RYR3: variants seen among roughly 807,000 people sequenced by gnomAD.
RYR3 encodes the protein brain ryanodine receptor-calcium release channel.
Under a neutral mutation model 584.3 loss-of-function variants are expected in RYR3, and 207 were observed. The ratio of observed to expected loss-of-function variants is 0.35; its 90% CI spans 0.32 to 0.40. The LOEUF (loss-of-function observed/expected upper bound fraction) is 0.40, where lower values mean the gene tolerates loss of function less well. Ranked by LOEUF, RYR3 falls within the 10% of genes least tolerant of loss-of-function variation. The probability of loss-of-function intolerance (pLI) is 1.00; values close to 1 mark genes in which losing one functional copy is unlikely to be tolerated. For synonymous variants in RYR3, 2,416 were observed against 2,248.5 expected (o/e 1.07, Z -2.11); for missense variants, 5,616 against 6,089.2 (o/e 0.92, Z 2.59).
At position 33,633,081 on chromosome 15, in the gene RYR3, A is replaced by C. The variant is rs1254419062; in HGVS notation, c.3000A>C (p.Lys1000Asn). The change falls in exon 24 of 104, where the codon AAA becomes AAC. Residue 1000 changes from lysine to asparagine, a missense_variant. Transcript: ENST00000634891. ...AHNVWAKDRI[K>N]QGWTYGIQQD... is the part of the protein sequence containing the mutation. ...ATGTTTGGGCAAAAGACAGAATAAAACAAGGATGGACCTATGGCATCCAAC... is the reference window on the plus strand; with the variant it reads ...ATGTTTGGGCAAAAGACAGAATAAACCAAGGATGGACCTATGGCATCCAAC... 11 of 1,613,906 alleles carry C rather than the reference A, an allele frequency of 6.8e-6. No homozygotes were observed. The Admixed American group carries it at 1.8e-4, about 27-fold the overall frequency.
Position 33,533,244 on chromosome 15 carries a change from C to CT in RYR3, c.355-66dup. 3 of 1,067,634 alleles carry CT rather than the reference C, an allele frequency of 2.8e-6. No homozygotes were observed. In the East Asian group the frequency reaches 7.7e-5, roughly 27 times the overall value. 66.1% of individuals were successfully genotyped at this position (1,067,634 alleles called of 1,614,324 possible). On this transcript the variant is annotated intron_variant, in intron 4 of 103. Coordinates refer to ENST00000634891, the MANE Select transcript of RYR3 (RefSeq NM_001036.6). Reference sequence around the variant, plus strand: ...ATTGTTGAACTTAACTAGAAGCTAACTAGTGGTAAGATACCAAGACTCAAT... The same window carrying CT: ...ATTGTTGAACTTAACTAGAAGCTAACTTAGTGGTAAGATACCAAGACTCAAT...
chr15:33,349,813 C>G (rs1972996717), intron 1 of RYR3, among the ~76,000 whole-genome samples: 1 of 144,308 alleles, frequency 6.9e-6, no homozygotes, highest in South Asian at 2.2e-4. Flanking sequence ...TCTCATTGTT[C>G]AATTCCCACC....
At chr15:33,687,944 T>A (rs1025040765) in intron 38 of RYR3, among the ~76,000 whole-genome samples, 1 of 152,150 alleles carries the variant, frequency 6.6e-6, no homozygotes, top group East Asian at 1.9e-4. Flanking sequence ...ATGTTAGACC[T>A]AAAACCATAA....
chr15:33,602,801 G>T (rs183300700), intron 17 of RYR3, among the ~76,000 whole-genome samples: 1 of 133,762 alleles, frequency 7.5e-6, no homozygotes. Flanking sequence ...GCTGGAGTGC[G>T]GTGGCATAAT....
intron 1 of RYR3, among the ~76,000 whole-genome samples, chr15:33,428,892 G>GT (rs150603707): frequency 0.014 from 2,098 of 152,218 alleles, 23 homozygotes; most frequent in Non-Finnish European, 0.022. Context: ...AATATACCAG[G>GT]TCCCCAAGTG....
intron 85 of RYR3, among the ~76,000 whole-genome samples, chr15:33,827,853 A>G (rs889905261): frequency 1.3e-5 from 2 of 152,138 alleles, no homozygotes; most frequent in Admixed American, 1.3e-4. Context: ...CAGTTTTTTC[A>G]TCAGTAAAAG....
chr15:33,664,587 G>GTGTA (rs1566908342), intron 36 of RYR3, among the ~76,000 whole-genome samples: 12 of 42,622 alleles, frequency 2.8e-4, no homozygotes, highest in South Asian at 1.1e-3. Context: ...GTGTGTGTGT[G>GTGTA]TGTATATATA....
At chr15:33,837,524 GCTGA>G in intron 88 of RYR3, 103 bp from the exon 89 acceptor site, 1 of 1,221,742 alleles carries the variant, frequency 8.2e-7, no homozygotes, top group East Asian at 2.5e-5. Context: ...TCAGAGAAGA[GCTGA>G]CTAATTTGGC....
intron 10 of RYR3, among the ~76,000 whole-genome samples, chr15:33,559,178 C>T (rs1208933057): frequency 6.6e-6 from 1 of 152,110 alleles, no homozygotes; most frequent in Admixed American, 6.5e-5. Flanking sequence ...GAGTCCTTGA[C>T]CATTTTAGGA....
chr15:33,728,898 C>A lies in RYR3; in HGVS notation c.7075C>A (p.Pro2359Thr), dbSNP rs759752404. 6.2e-7 allele frequency: 1 copy of A among 1,613,446 alleles called. No individual in the cohort carries two copies. Among genetic ancestry groups the A allele is most frequent in the Non-Finnish European group, 8.5e-7 (1 of 1,179,724 alleles). The change falls in exon 47 of 104, where the codon CCT becomes ACT. Residue 2359 changes from proline (P) to threonine (T), a missense_variant. By Grantham distance (38) the Pro-to-Thr change is conservative. This residue lies in a region of RYR3 where 1,280 missense variants were observed against 1,426.2 expected (regional missense o/e 0.90). Coordinates refer to ENST00000634891, the MANE Select transcript of RYR3 (RefSeq NM_001036.6). ...GCCAGATATGGCGGCCAATTTCTGC[C>A]CTGACCACAAGGCACCTATGGTGCT... ...SEPDMAANFCPDHKAPMVLFL... is the reference protein window; with the variant it reads ...SEPDMAANFCTDHKAPMVLFL...
intron 16 of RYR3, among the ~76,000 whole-genome samples, chr15:33,600,411 G>A (rs909932089): frequency 3.9e-5 from 6 of 152,064 alleles, no homozygotes; most frequent in Admixed American, 2.0e-4. Flanking sequence ...ATTCCTCTCT[G>A]TGAAGGAGAG....
chr15:33,313,473 G>A (rs1967645401), intron 1 of RYR3, among the ~76,000 whole-genome samples: 2 of 152,128 alleles, frequency 1.3e-5, no homozygotes, highest in South Asian at 4.2e-4. Flanking sequence ...GAATCCAATA[G>A]CCATAAGCTT....
intron 1 of RYR3, among the ~76,000 whole-genome samples, chr15:33,426,098 A>C (rs2044637055): frequency 6.6e-6 from 1 of 152,196 alleles, no homozygotes; most frequent in Non-Finnish European, 1.5e-5. Context: ...ATTTAATGTG[A>C]GAAGAAGGCA....
chr15:33,714,624 A>G (rs1387420350), intron 43 of RYR3, among the ~76,000 whole-genome samples: 2 of 152,208 alleles, frequency 1.3e-5, no homozygotes, highest in Non-Finnish European at 2.9e-5. Context: ...GGGAAAAGTT[A>G]TTCTGTGTTT....
chr15:33,367,445 G>T (rs1431285206), intron 1 of RYR3, among the ~76,000 whole-genome samples: 2 of 152,200 alleles, frequency 1.3e-5, no homozygotes, highest in Non-Finnish European at 2.9e-5. Flanking sequence ...CAATGGAGAA[G>T]TCAGACTGAA....
intron 74 of RYR3, among the ~76,000 whole-genome samples, chr15:33,813,933 A>G (rs926296279): frequency 6.6e-6 from 1 of 152,178 alleles, no homozygotes. Flanking sequence ...TTTTACCCCA[A>G]ATTCCATCAA....
chr15:33,857,951 TGC>T lies in RYR3; in HGVS notation c.14142+39_14142+40del, dbSNP rs763172534. 4.0e-6 allele frequency: 6 copies of T among 1,503,542 alleles called. No individual in the cohort carries two copies. The African/African-American group carries it at 1.0e-4, about 26-fold the overall frequency. 93.1% of individuals were successfully genotyped at this position (1,503,542 alleles called of 1,614,324 possible). On this transcript the variant is annotated intron_variant, in intron 99 of 103. Coordinates refer to ENST00000634891, the MANE Select transcript of RYR3 (RefSeq NM_001036.6). ...CCCACTGCGGGGCCAGCCCACCCAC[TGC>T]GGGGCCACCCCGCCCCACCACCTCA...
intron 1 of RYR3, among the ~76,000 whole-genome samples, chr15:33,400,984 G>A (rs1050254266): frequency 6.6e-6 from 1 of 151,702 alleles, no homozygotes; most frequent in African/African-American, 2.4e-5. Context: ...ACCCACTATG[G>A]TCTGGTCACC....
chr15:33,607,651 TAAAG>T (rs1265422436), intron 18 of RYR3, among the ~76,000 whole-genome samples: 2 of 152,228 alleles, frequency 1.3e-5, no homozygotes, highest in African/African-American at 4.8e-5. Flanking sequence ...TGTCTTTGAA[TAAAG>T]AAAGTAGATT....
Sources: allele counts gnomAD v4.1 joint callset (sites outside exome capture counted in the v4.1 genomes callset), GRCh38; gene constraint gnomAD v4.1.1; regional missense constraint gnomAD v4.1.1; transcripts MANE v1.5; gene names NCBI Gene and HGNC (gene_info 2026-07-23, HGNC 2026-07-21).